Variants in SLC2A13 observed in about 807,000 individuals in gnomAD.
SLC2A13 encodes proton myo-inositol cotransporter.
A neutral mutation model predicts 64.4 loss-of-function variants in SLC2A13; 32 were observed. The observed-to-expected ratio is 0.50, with a 90% confidence interval of 0.37 to 0.67. The LOEUF is 0.67. SLC2A13 is among the 30% of genes least tolerant of loss of function. SLC2A13 has a pLI of 0.00. For synonymous variants in SLC2A13, 338 were observed against 327.1 expected, an observed-to-expected ratio of 1.03 and a Z score of -0.36; for missense variants, 743 against 829.2, an observed-to-expected ratio of 0.90 and a Z score of 1.28.
At chr12:39,956,305 G>C (rs1337745978) in intron 3 of SLC2A13, among the ~76,000 whole-genome samples, 1 of 152,174 alleles carries the variant, frequency 6.6e-6, no homozygotes, top group Non-Finnish European at 1.5e-5. Flanking sequence ...CCTGTGGAGG[G>C]AGGAATTACA....
At chr12:39,805,547 T>C (rs1941951578) in intron 7 of SLC2A13, among the ~76,000 whole-genome samples, 1 of 151,792 alleles carries the variant, frequency 6.6e-6, no homozygotes. Flanking sequence ...TTTATTCCCA[T>C]AGGCCTGAAA....
At position 39,759,989 on chromosome 12, in the gene SLC2A13, G is replaced by A. The variant is rs767278724; in HGVS notation, c.*37C>T. ...ACCAATTGCTGTTCTTCTCCCCCCA[G>A]TTTGTTTAAATAACTAAATATATGA... is the stretch of plus-strand genomic sequence containing the variant. On this transcript the variant is annotated 3_prime_UTR_variant, in exon 10 of 10. Coordinates refer to ENST00000280871, the MANE Select transcript of SLC2A13 (RefSeq NM_052885.4). 1 of 1,533,608 alleles carries A rather than the reference G, an allele frequency of 6.5e-7. No individual in the cohort carries two copies. Among genetic ancestry groups the A allele is most frequent in the East Asian group, 2.3e-5 (1 of 44,372 alleles).
chr12:39,988,378 G>A (rs919118544), intron 3 of SLC2A13, among the ~76,000 whole-genome samples: 2 of 151,412 alleles, frequency 1.3e-5, no homozygotes, highest in African/African-American at 4.9e-5. Flanking sequence ...TACTTTAACT[G>A]GTGGAAAATA....
intron 3 of SLC2A13, among the ~76,000 whole-genome samples, chr12:39,961,694 A>G (rs996901553): frequency 2.6e-5 from 4 of 151,284 alleles, no homozygotes; most frequent in African/African-American, 9.7e-5. Context: ...TTTAGAGGCA[A>G]GGTTTCATGT....
At chr12:39,989,896 A>G (rs1399973725) in intron 3 of SLC2A13, among the ~76,000 whole-genome samples, 1 of 152,232 alleles carries the variant, frequency 6.6e-6, no homozygotes, top group Non-Finnish European at 1.5e-5. Context: ...AAATACATCA[A>G]GCTCCTAAAT....
At chr12:40,015,950 T>C (rs1947613825) in intron 3 of SLC2A13, among the ~76,000 whole-genome samples, 1 of 152,182 alleles carries the variant, frequency 6.6e-6, no homozygotes, top group Non-Finnish European at 1.5e-5. Flanking sequence ...GCACAGTACA[T>C]GACACATCGT....
intron 1 of SLC2A13, among the ~76,000 whole-genome samples, chr12:40,089,497 A>G (rs962323362): frequency 6.6e-6 from 1 of 152,210 alleles, no homozygotes; most frequent in Non-Finnish European, 1.5e-5. Flanking sequence ...ATTGTAATCA[A>G]TAAAGAAGCT....
At chr12:39,820,985 TC>T (rs970830100) in intron 7 of SLC2A13, among the ~76,000 whole-genome samples, 1 of 151,922 alleles carries the variant, frequency 6.6e-6, no homozygotes, top group Non-Finnish European at 1.5e-5. Flanking sequence ...ACTGCAGTGT[TC>T]CCCAAACTTC....
chr12:39,829,030 T>C (rs1423710032), intron 7 of SLC2A13, among the ~76,000 whole-genome samples: 1 of 152,150 alleles, frequency 6.6e-6, no homozygotes, highest in Non-Finnish European at 1.5e-5. Context: ...TGAGACACAA[T>C]ACTTTATTAC....
chr12:39,984,264 G>T (rs186452962), intron 3 of SLC2A13, among the ~76,000 whole-genome samples: 2,439 of 151,840 alleles, frequency 0.016, 49 homozygotes, highest in African/African-American at 0.04. Flanking sequence ...CACCAGCACA[G>T]CACATGTATA....
chr12:39,993,890 T>TA (rs1311591497), intron 3 of SLC2A13, among the ~76,000 whole-genome samples: 2 of 152,222 alleles, frequency 1.3e-5, no homozygotes, highest in Non-Finnish European at 2.9e-5. Context: ...CTTATCTACT[T>TA]AAATATCATT....
chr12:40,036,806 TG>T (rs1947994418), intron 2 of SLC2A13, among the ~76,000 whole-genome samples: 1 of 152,214 alleles, frequency 6.6e-6, no homozygotes, highest in Non-Finnish European at 1.5e-5. Flanking sequence ...GTTGAATGAA[TG>T]TAAGTGATGA....
intron 3 of SLC2A13, among the ~76,000 whole-genome samples, chr12:39,962,624 T>C (rs1398982101): frequency 6.6e-6 from 1 of 152,208 alleles, no homozygotes. Context: ...TCTGACAGTA[T>C]TTTCACAATA....
chr12:40,104,412 G>A (rs991877680), intron 1 of SLC2A13, among the ~76,000 whole-genome samples: 4 of 152,204 alleles, frequency 2.6e-5, no homozygotes, highest in African/African-American at 7.2e-5. Context: ...AACGCCAGGA[G>A]AACCTTAATG....
intron 1 of SLC2A13, among the ~76,000 whole-genome samples, chr12:40,075,413 G>T (rs982312652): frequency 6.6e-6 from 1 of 152,186 alleles, no homozygotes; most frequent in Non-Finnish European, 1.5e-5. Context: ...TTTGGGGGTA[G>T]TGGTTTGTCC....
chr12:39,972,164 C>A (rs1291716489), intron 3 of SLC2A13, among the ~76,000 whole-genome samples: 1 of 130,824 alleles, frequency 7.6e-6, no homozygotes. Context: ...TCAGAGTTAC[C>A]AGTGAAAAAA....
intron 1 of SLC2A13, among the ~76,000 whole-genome samples, chr12:40,095,771 C>T (rs982161555): frequency 1.3e-5 from 2 of 152,136 alleles, no homozygotes; most frequent in Non-Finnish European, 2.9e-5. Flanking sequence ...TCAAAATAAA[C>T]TTGTTGAATG....
At chr12:39,849,848 T>C (rs575695614) in intron 6 of SLC2A13, among the ~76,000 whole-genome samples, 1 of 152,282 alleles carries the variant, frequency 6.6e-6, no homozygotes, top group African/African-American at 2.4e-5. Context: ...GGCTACTCCC[T>C]TCTTTTTTTT....
chr12:40,094,060 G>C (rs1251327027), intron 1 of SLC2A13, among the ~76,000 whole-genome samples: 2 of 152,176 alleles, frequency 1.3e-5, no homozygotes, highest in Non-Finnish European at 2.9e-5. Flanking sequence ...GGTGATTGTA[G>C]TGGAAGTGAT....
Sources: gnomAD v4.1 joint callset for allele counts (sites outside exome capture counted in the v4.1 genomes callset) on GRCh38, gnomAD v4.1.1 for gene constraint, MANE v1.5 for transcripts, NCBI Gene and HGNC (gene_info 2026-07-23, HGNC 2026-07-21) for gene names.